Variants in PARM1 observed in about 807,000 individuals in gnomAD.
PARM1 encodes WSC4, cell wall integrity and stress response component 4 homolog.
Under a neutral mutation model 24.6 loss-of-function variants are expected in PARM1, and 14 were observed. The ratio of observed to expected loss-of-function variants is 0.57; its 90% CI spans 0.38 to 0.89. The LOEUF (loss-of-function observed/expected upper bound fraction) is 0.89. Ranked by LOEUF, PARM1 falls within the 40% of genes least tolerant of loss-of-function variation. PARM1 has a pLI of 0.00. For missense variants in PARM1, 362 were observed against 380.4 expected (o/e 0.95, Z 0.40); for synonymous variants, 179 against 156.6 (o/e 1.14, Z -1.07).
At chr4:74,974,508 G>A (rs1016094811) in intron 1 of PARM1, among the ~76,000 whole-genome samples, 2 of 152,102 alleles carry the variant, frequency 1.3e-5, no homozygotes, top group African/African-American at 4.8e-5. Flanking sequence ...GACATATAAG[G>A]CTTTTATTCC....
rs555831408 is a variant in PARM1, at chr4:75,005,284, C to G, written c.44-7141C>G. On this transcript the variant is annotated intron_variant, in intron 1 of 3. Transcript: ENST00000307428. ...TGACTGCATTTTGATCAAGTTTCAC[C>G]AAGTTTGCCAAAGCTTTGCCACATG... is the stretch of plus-strand genomic sequence containing the variant. Among the ~76,000 whole-genome samples, 4 of 152,286 alleles carry G rather than the reference C, an allele frequency of 2.6e-5. No homozygotes were observed. The South Asian group carries it at 8.3e-4, about 32-fold the overall frequency.
At chr4:74,981,708 C>A (rs1231241409) in intron 1 of PARM1, among the ~76,000 whole-genome samples, 1 of 151,956 alleles carries the variant, frequency 6.6e-6, no homozygotes, top group Non-Finnish European at 1.5e-5. Context: ...AACCCCGTCT[C>A]TACTAAAACT....
Position 75,046,287 on chromosome 4 carries a change from A to C in PARM1, c.*40A>C. On this transcript the variant is annotated 3_prime_UTR_variant, in exon 4 of 4. Transcript: ENST00000307428. ...CTGGGATGAGGATTAACTGTTCTTT[A>C]TTTATAAGTGCTTATCCAGTAGAAT... The C allele has an allele frequency of 7.8e-7, 1 of 1,278,810 alleles. No homozygotes were observed. Among genetic ancestry groups the C allele is most frequent in the East Asian group, 2.3e-5 (1 of 43,252 alleles). 79.2% of individuals were successfully genotyped at this position (1,278,810 alleles called of 1,614,324 possible). A position where few individuals can be genotyped will look rare whatever the true frequency, so the allele number is the denominator to read the frequency against.
chr4:74,992,311 C>T (rs553145579), intron 1 of PARM1, among the ~76,000 whole-genome samples: 16 of 151,930 alleles, frequency 1.1e-4, no homozygotes, highest in Non-Finnish European at 1.5e-4. Context: ...CAAAATAAAA[C>T]GAAGAAAATA....
chr4:75,047,513 A>T lies in PARM1; in HGVS notation c.*1266A>T, dbSNP rs1723630626. ...TGTATTGCAATCATTCTCAACCAGGAGGTGATTTTGCCCCCTGACTCCACC... is the reference window on the plus strand; with the variant it reads ...TGTATTGCAATCATTCTCAACCAGGTGGTGATTTTGCCCCCTGACTCCACC... On this transcript the variant is annotated 3_prime_UTR_variant, in exon 4 of 4. Transcript: ENST00000307428. The T allele has an allele frequency of 6.6e-6, 1 of 152,220 alleles. No homozygotes were observed. Among genetic ancestry groups the T allele is most frequent in the Non-Finnish European group, 1.5e-5 (1 of 68,038 alleles). 9.4% of individuals were successfully genotyped at this position (152,220 alleles called of 1,614,324 possible). A position where few individuals can be genotyped will look rare whatever the true frequency, so the allele number is the denominator to read the frequency against.
At chr4:74,941,724 G>A (rs189068661) in intron 1 of PARM1, among the ~76,000 whole-genome samples, 17 of 152,248 alleles carry the variant, frequency 1.1e-4, no homozygotes, top group African/African-American at 3.9e-4. Context: ...ATCATGAAAG[G>A]GGGTGAAGAA....
rs1061570 is a variant in PARM1, at chr4:75,049,143, G to A, written c.*2896G>A. On this transcript the variant is annotated 3_prime_UTR_variant, in exon 4 of 4. Transcript: ENST00000307428. ...GGCAAGCCGCCTCTTCTCGGCCATC[G>A]ACTGCAGATGATGAAAGAGCGGGAT... is the stretch of plus-strand genomic sequence containing the variant. 0.27 allele frequency: 40,658 copies of A among 152,052 alleles called. 6,497 individuals are homozygous for A. The highest frequency in any genetic ancestry group is 0.67 in the East Asian group (3,467 of 5,140). 9.4% of individuals were successfully genotyped at this position (152,052 alleles called of 1,614,324 possible).
At chr4:74,939,988 G>A (rs1001730359) in intron 1 of PARM1, among the ~76,000 whole-genome samples, 4 of 152,128 alleles carry the variant, frequency 2.6e-5, no homozygotes, top group Non-Finnish European at 1.5e-5. Context: ...GGGAACTTTA[G>A]TGCAGGTGTT....
At chr4:74,977,156 CTT>C (rs1267966091) in intron 1 of PARM1, among the ~76,000 whole-genome samples, 1 of 152,150 alleles carries the variant, frequency 6.6e-6, no homozygotes, top group African/African-American at 2.4e-5. Context: ...TAATAACAAA[CTT>C]TACTGAGCTA....
chr4:75,038,507 CAAAGGACAGGGGAGA>C (rs967862179), intron 3 of PARM1, among the ~76,000 whole-genome samples: 13 of 152,248 alleles, frequency 8.5e-5, no homozygotes, highest in African/African-American at 2.9e-4. Flanking sequence ...CGTAGGGATT[CAAAGGACAGGGGAGA>C]GAAGGAGGGG....
chr4:74,935,126 C>G (rs924490554), intron 1 of PARM1, among the ~76,000 whole-genome samples: 2 of 152,012 alleles, frequency 1.3e-5, no homozygotes, highest in East Asian at 1.9e-4. Flanking sequence ...GAGCACCACT[C>G]CTACCCCCAC....
At chr4:74,952,524 C>T (rs926007912) in intron 1 of PARM1, among the ~76,000 whole-genome samples, 2 of 152,188 alleles carry the variant, frequency 1.3e-5, no homozygotes, top group Non-Finnish European at 2.9e-5. Context: ...ATGCCTATGT[C>T]CTGAATGGTA....
rs546610083 is a variant in PARM1 at position 75,040,317 on chromosome 4, A to G, written c.849-5846A>G. Among the ~76,000 whole-genome samples, 28 of 152,350 alleles carry G rather than the reference A, an allele frequency of 1.8e-4. 1 individual carries two copies. Among genetic ancestry groups the G allele is most frequent in the African/African-American group, 6.7e-4 (28 of 41,582 alleles). ...CCTTTTCTGTGATGATTGTCTTCCA[A>G]TAGTAATGCCATCTGGCAGATAATT... On this transcript the variant is annotated intron_variant, in intron 3 of 3. Transcript: ENST00000307428.
intron 1 of PARM1, among the ~76,000 whole-genome samples, chr4:74,947,935 T>G (rs1721440387): frequency 6.6e-6 from 1 of 152,192 alleles, no homozygotes; most frequent in African/African-American, 2.4e-5. Context: ...AGGTGCCTCT[T>G]ATCATGGTGT....
intron 3 of PARM1, among the ~76,000 whole-genome samples, chr4:75,037,530 G>A (rs1299661054): frequency 6.6e-6 from 1 of 152,120 alleles, no homozygotes; most frequent in Non-Finnish European, 1.5e-5. Context: ...CTTTCTCCAG[G>A]GACCCATTAC....
At chr4:75,009,356 A>G (rs1722827529) in intron 1 of PARM1, among the ~76,000 whole-genome samples, 1 of 152,238 alleles carries the variant, frequency 6.6e-6, no homozygotes, top group Non-Finnish European at 1.5e-5. Flanking sequence ...ATTTTAGCCT[A>G]GTACCTGAAT....
rs190182273 is a variant in PARM1 at position 75,007,025 on chromosome 4, C to G, written c.44-5400C>G. On this transcript the variant is annotated intron_variant, in intron 1 of 3. Transcript: ENST00000307428. ...TCTACAAAGAACTTAAATAAATTTA[C>G]AAGAAAAAATCAAGCAACCCCATCA... 4.8e-3 allele frequency among the ~76,000 whole-genome samples: 734 copies of G among 152,178 alleles called. 4 individuals carry two copies. Among genetic ancestry groups the G allele is most frequent in the African/African-American group, 0.016 (678 of 41,514 alleles).
chr4:74,970,851 A>G (rs1415723912), intron 1 of PARM1, among the ~76,000 whole-genome samples: 2 of 152,200 alleles, frequency 1.3e-5, no homozygotes, highest in Non-Finnish European at 2.9e-5. Context: ...GAGAGGCAAT[A>G]TAGAGTTGTG....
intron 1 of PARM1, 123 bp downstream of exon 1, chr4:74,933,493 A>G: frequency 1.3e-6 from 1 of 791,788 alleles, no homozygotes. Context: ...GTGAGTGCGC[A>G]GGTGTGTGCG....
Sources: gnomAD v4.1 joint callset for allele counts (sites outside exome capture counted in the v4.1 genomes callset) on GRCh38, gnomAD v4.1.1 for gene constraint, MANE v1.5 for transcripts, NCBI Gene and HGNC (gene_info 2026-07-23, HGNC 2026-07-21) for gene names.